The following CCDC198 variants were observed in gnomAD, a reference collection of about 807,000 sequenced individuals.
CCDC198 encodes the protein coiled-coil domain containing 198.
Under a neutral mutation model 35.6 loss-of-function variants are expected in CCDC198, and 18 were observed. The observed-to-expected ratio is 0.51, with a 90% CI of 0.35 to 0.75. The LOEUF is 0.75. Ranked by LOEUF, CCDC198 falls within the 30% of genes least tolerant of loss-of-function variation. The pLI, the probability that CCDC198 is intolerant of heterozygous loss-of-function variation, is 0.01. For missense variants in CCDC198, 365 were observed against 343.7 expected (o/e 1.06, Z -0.49); for synonymous variants, 119 against 113.4 (o/e 1.05, Z -0.31).
intron 2 of CCDC198, among the ~76,000 whole-genome samples, chr14:57,483,666 C>G (rs1056429773): frequency 6.6e-6 from 1 of 152,142 alleles, no homozygotes; most frequent in Non-Finnish European, 1.5e-5. Flanking sequence ...TTAGAGATGT[C>G]CTTTTCTAGC....
intron 3 of CCDC198, 92 bp from the exon 4 acceptor site, chr14:57,481,752 C>G: frequency 1.3e-6 from 1 of 787,732 alleles, no homozygotes. Context: ...AGAGTCAGAT[C>G]TTAATCAGTC....
At chr14:57,480,902 A>G (rs2067160810) in intron 4 of CCDC198, 148 bp from the exon 5 acceptor site, 1 of 776,172 alleles carries the variant, frequency 1.3e-6, no homozygotes. Context: ...TTTTCCTATT[A>G]GAAGGTATGG....
At chr14:57,491,151 C>A in intron 1 of CCDC198, 80 bp from the exon 2 acceptor site, 1 of 1,409,044 alleles carries the variant, frequency 7.1e-7, no homozygotes, top group Non-Finnish European at 9.8e-7. Flanking sequence ...AGTTACTAGA[C>A]TTTGTCAACA....
At chr14:57,480,137 T>C (rs1392969354) in intron 5 of CCDC198, 3 of 353,718 alleles carry the variant, frequency 8.5e-6, no homozygotes, top group African/African-American at 6.7e-5. Context: ...TGATTCATTC[T>C]AGAAATTCTG....
At position 57,481,566 on chromosome 14, in the gene CCDC198, CTT is replaced by C. The variant is rs746789090; in HGVS notation, c.486_487del (p.Arg163ThrfsTer18). The C allele has an allele frequency of 6.2e-7, 1 of 1,608,764 alleles. No individual in the cohort carries two copies. The highest frequency in any genetic ancestry group is 8.5e-7 in the Non-Finnish European group (1 of 1,176,214). On this transcript the variant is annotated frameshift_variant, in exon 4 of 6. Coordinates refer to ENST00000216445, the MANE Select transcript of CCDC198 (RefSeq NM_018168.4). LOFTEE classifies it high-confidence loss of function. ...CACTCTTCTCGTATTTACCTCTTGTCTTTTACGGATCATTTCCAGCACTTGCA... is the reference window on the plus strand; with the variant it reads ...CACTCTTCTCGTATTTACCTCTTGTCTTACGGATCATTTCCAGCACTTGCA...
chr14:57,474,444 T>C (rs1658161363), intron 5 of CCDC198, among the ~76,000 whole-genome samples: 1 of 152,192 alleles, frequency 6.6e-6, no homozygotes, highest in Admixed American at 6.5e-5. Flanking sequence ...GAATGTTTGT[T>C]TGTGGTGGGA....
chr14:57,470,946 A>G lies in CCDC198; in HGVS notation c.*409T>C, dbSNP rs2066802024. On this transcript the variant is annotated 3_prime_UTR_variant, in exon 6 of 6. Transcript: ENST00000216445. The stretch of plus-strand genomic sequence containing the variant: ...GTGTCCTGCTGAAGAGATCATATGC[A>G]GATGCTCTGAGGCTACATGGATAGG... 6.1e-6 allele frequency: 1 copy of G among 165,118 alleles called. No homozygotes were observed. 10.2% of individuals were successfully genotyped at this position (165,118 alleles called of 1,614,324 possible).
intron 2 of CCDC198, among the ~76,000 whole-genome samples, chr14:57,488,390 A>G (rs1205051743): frequency 6.6e-6 from 1 of 152,170 alleles, no homozygotes; most frequent in Admixed American, 6.6e-5. Context: ...TGTTACAGTG[A>G]TGGTACAGAC....
intron 2 of CCDC198, among the ~76,000 whole-genome samples, chr14:57,490,690 T>C (rs2067533931): frequency 6.6e-6 from 1 of 152,176 alleles, no homozygotes; most frequent in Admixed American, 6.6e-5. Context: ...TATTATTTAT[T>C]ACAAGTTGTT....
chr14:57,492,130 C>G (rs2067592406), intron 1 of CCDC198, among the ~76,000 whole-genome samples: 1 of 151,650 alleles, frequency 6.6e-6, no homozygotes, highest in South Asian at 2.1e-4. Flanking sequence ...TTAGATTTTC[C>G]TCAACTGGCA....
chr14:57,492,101 A>G (rs548536721), intron 1 of CCDC198, among the ~76,000 whole-genome samples: 28 of 152,134 alleles, frequency 1.8e-4, no homozygotes, highest in African/African-American at 6.7e-4. Context: ...TATTTTAGTG[A>G]CATTACTCCA....
chr14:57,487,928 T>G (rs2067420247), intron 2 of CCDC198, among the ~76,000 whole-genome samples: 2 of 152,134 alleles, frequency 1.3e-5, no homozygotes, highest in Non-Finnish European at 1.5e-5. Flanking sequence ...GTGATTTCCC[T>G]CCTCTCTGGG....
chr14:57,482,831 G>A (rs1233534716), intron 3 of CCDC198, among the ~76,000 whole-genome samples: 1 of 152,202 alleles, frequency 6.6e-6, no homozygotes, highest in Non-Finnish European at 1.5e-5. Context: ...TCAACACAAA[G>A]CAGAAAAGGG....
intron 2 of CCDC198, 28 bp from the exon 3 acceptor site, chr14:57,483,179 G>GCCTCTAAACGTTGC: frequency 6.2e-7 from 1 of 1,613,898 alleles, no homozygotes; most frequent in South Asian, 1.1e-5. Context: ...AGAGCAGTCA[G>GCCTCTAAACGTTGC]CATTCCTCAT....
At chr14:57,478,315 A>C in intron 5 of CCDC198, 1 of 266,950 alleles carries the variant, frequency 3.7e-6, no homozygotes, top group Non-Finnish European at 5.8e-6. Flanking sequence ...GTGAGAGTGC[A>C]AGTCAAGAAG....
chr14:57,473,210 A>C (rs1455984899), intron 5 of CCDC198, among the ~76,000 whole-genome samples: 1 of 152,180 alleles, frequency 6.6e-6, no homozygotes, highest in Admixed American at 6.5e-5. Context: ...TTTCCCCTTG[A>C]ATACTATTAT....
In CCDC198 at chr14:57,481,586, C is replaced by T; in HGVS notation, c.468G>A (p.Val156=). ...ENRQYLHKMQ[V]LEMIRKRQEA... ...CTTGTCTTTTACGGATCATTTCCAGCACTTGCATCTTATGCAAATATTGTC... is the reference window on the plus strand; with the variant it reads ...CTTGTCTTTTACGGATCATTTCCAGTACTTGCATCTTATGCAAATATTGTC... The change falls in exon 4 of 6, where the codon GTG becomes GTA. Residue 156 remains valine (V), a synonymous_variant. Coordinates refer to ENST00000216445, the MANE Select transcript of CCDC198 (RefSeq NM_018168.4). 1.2e-6 allele frequency: 2 copies of T among 1,612,430 alleles called. No homozygotes were observed. The highest frequency in any genetic ancestry group is 1.7e-6 in the Non-Finnish European group (2 of 1,179,300).
At chr14:57,477,150 T>C (rs998651633) in intron 5 of CCDC198, among the ~76,000 whole-genome samples, 1 of 152,252 alleles carries the variant, frequency 6.6e-6, no homozygotes, top group African/African-American at 2.4e-5. Flanking sequence ...GCATTTAAAA[T>C]TCTTAGAAGC....
chr14:57,479,297 A>G (rs1435038501), intron 5 of CCDC198, among the ~76,000 whole-genome samples: 1 of 152,126 alleles, frequency 6.6e-6, no homozygotes, highest in African/African-American at 2.4e-5. Flanking sequence ...TATGTTGGCC[A>G]GGCTAGGTTT....
Sources: allele counts gnomAD v4.1 joint callset (sites outside exome capture counted in the v4.1 genomes callset), GRCh38; gene constraint gnomAD v4.1.1; transcripts MANE v1.5; gene names NCBI Gene and HGNC (gene_info 2026-07-23, HGNC 2026-07-21).